The following PFAS variants were observed in gnomAD, a reference collection of about 807,000 sequenced individuals.
PFAS encodes the protein FGAM synthase.
In PFAS, 97 loss-of-function variants were observed where a neutral mutation model predicts 140.6. That is an observed-to-expected ratio of 0.69 (90% CI 0.59 to 0.82). The LOEUF (loss-of-function observed/expected upper bound fraction) is 0.82, where lower values mean the gene tolerates loss of function less well. Among genes scored for constraint, PFAS ranks in the 40% least tolerant of loss-of-function variants. The probability of loss-of-function intolerance (pLI) is 0.00; values close to 1 mark genes in which losing one functional copy is unlikely to be tolerated. For synonymous variants in PFAS, 679 were observed against 718.8 expected, an observed-to-expected ratio of 0.94 and a Z score of 0.88; for missense variants, 1,656 against 1,780.2, an observed-to-expected ratio of 0.93 and a Z score of 1.26.
chr17:8,251,013 C>T (rs1346867643), intron 1 of PFAS, among the ~76,000 whole-genome samples: 2 of 150,876 alleles, frequency 1.3e-5, no homozygotes, highest in African/African-American at 2.4e-5. Flanking sequence ...GTCTGCCTGG[C>T]GCAGTCGCTC....
Position 8,255,146 on chromosome 17 carries a change from G to C in PFAS, c.384+14G>C. ...TACCGGCTCTCGGTGAGGTGATGGG[G>C]AATCAGGAGGAGGAGATGAGCCAGA... On this transcript the variant is annotated intron_variant, in intron 4 of 27. Coordinates refer to ENST00000314666, the MANE Select transcript of PFAS (RefSeq NM_012393.3). 6.4e-7 allele frequency: 1 copy of C among 1,556,298 alleles called. No homozygotes were observed. The highest frequency in any genetic ancestry group is 8.9e-7 in the Non-Finnish European group (1 of 1,129,498).
rs1377494780 is a variant in PFAS at position 8,266,000 on chromosome 17, C to G, written c.2684C>G (p.Thr895Ser). ...AACTTGGTGCGGGCCTTCAGCATCA[C>G]TCAGGGGCTGCTGAAAGGTGAGTGA... ...PENLVRAFSI[T>S]QGLLKDRLLC... The change falls in exon 21 of 28, where the codon ACT (threonine) becomes AGT (serine). Residue 895 changes from threonine to serine, a missense_variant. By Grantham distance (58) the Thr-to-Ser change is moderately conservative. This residue lies in a region of PFAS where 883 missense variants were observed against 1,023.0 expected (regional missense o/e 0.86). Coordinates refer to ENST00000314666, the MANE Select transcript of PFAS (RefSeq NM_012393.3). The G allele has an allele frequency of 6.2e-7, 1 of 1,609,582 alleles. No individual in the cohort carries two copies. Among genetic ancestry groups the G allele is most frequent in the Non-Finnish European group, 8.5e-7 (1 of 1,177,764 alleles).
chr17:8,264,584 C>A lies in PFAS; in HGVS notation c.2032C>A (p.Arg678Ser), dbSNP rs759656030. Reference protein sequence around the residue: ...VLRLPAVASKRYLTNKVDRSV... With the variant: ...VLRLPAVASKSYLTNKVDRSV... ...GAGGCTGCCCGCCGTGGCCAGCAAG[C>A]GCTACCTCACCAATAAGGTCCTCCC... The change falls in exon 17 of 28, where the codon CGC becomes AGC. Residue 678 changes from arginine to serine, a missense_variant. Arg to Ser is a moderately radical substitution (Grantham distance 110, BLOSUM62 -1). Transcript: ENST00000314666. 1 of 1,612,678 alleles carries A rather than the reference C, an allele frequency of 6.2e-7. No individual in the cohort carries two copies. Among genetic ancestry groups the A allele is most frequent in the Non-Finnish European group, 8.5e-7 (1 of 1,179,432 alleles).
chr17:8,249,268 G>A (rs993549929), upstream of PFAS: 8 of 152,162 alleles, frequency 5.3e-5, no homozygotes, highest in Non-Finnish European at 1.2e-4. Flanking sequence ...CTCTGCCCGC[G>A]GCGCACGCGG....
At chr17:8,253,369 T>A (rs1457400054) in intron 1 of PFAS, among the ~76,000 whole-genome samples, 1 of 152,166 alleles carries the variant, frequency 6.6e-6, no homozygotes, top group Non-Finnish European at 1.5e-5. Flanking sequence ...CCTACCACAT[T>A]AATAAAGACC....
chr17:8,264,632 C>T, intron 17 of PFAS, 31 bp downstream of exon 17: 2 of 1,567,202 alleles, frequency 1.3e-6, no homozygotes, highest in South Asian at 2.3e-5. Context: ...CTGCCCCCTG[C>T]CTCCTTCCTC....
At chr17:8,264,825 T>TG in intron 17 of PFAS, 70 bp from the exon 18 acceptor site, 1 of 1,168,124 alleles carries the variant, frequency 8.6e-7, no homozygotes, top group Non-Finnish European at 1.2e-6. Flanking sequence ...CTGAGTGCCT[T>TG]GGGGGCATGT....
At chr17:8,257,551 A>G (rs527273850) in intron 9 of PFAS, among the ~76,000 whole-genome samples, 5 of 151,814 alleles carry the variant, frequency 3.3e-5, no homozygotes, top group Admixed American at 2.0e-4. Flanking sequence ...GCGAGACTCC[A>G]TCTCAAAAAA....
chr17:8,264,321 G>C lies in PFAS; in HGVS notation c.1901G>C (p.Gly634Ala), dbSNP rs1306254457. ...PVDLELEWVL[G>A]KMPRKEFFLQ... Reference sequence around the variant, plus strand: ...GACCTGGAGCTCGAATGGGTGCTGGGCAAGATGCCTCGGAAGGTATGTGGG... The same window carrying C: ...GACCTGGAGCTCGAATGGGTGCTGGCCAAGATGCCTCGGAAGGTATGTGGG... The change falls in exon 16 of 28, where the codon GGC (glycine) becomes GCC (alanine). Residue 634 changes from glycine (G) to alanine (A), a missense_variant. Physicochemically the swap from Gly to Ala is moderately conservative, Grantham distance 60. Transcript: ENST00000314666. 5 of 1,614,022 alleles carry C rather than the reference G, an allele frequency of 3.1e-6. No individual in the cohort carries two copies. The South Asian group carries it at 4.4e-5, about 14-fold the overall frequency.
Position 8,268,414 on chromosome 17 carries a change from G to A in PFAS, c.3383-119G>A, listed in dbSNP as rs576103411. ...GAAAGAAGGAAAGGAAGGAAGGAGG[G>A]AGGGAGGGAAAAGGAAGAAAGAAAA... On this transcript the variant is annotated intron_variant, in intron 26 of 27. Coordinates refer to ENST00000314666, the MANE Select transcript of PFAS (RefSeq NM_012393.3). 9 of 667,642 alleles carry A rather than the reference G, an allele frequency of 1.3e-5. No individual in the cohort carries two copies. The East Asian group carries it at 1.9e-4, about 14-fold the overall frequency. The allele number at this position is 667,642 out of a possible 1,614,324, so 41.4% of individuals were successfully genotyped here.
At chr17:8,268,385 A>AAG in intron 26 of PFAS, 148 bp from the exon 27 acceptor site, 2 of 628,040 alleles carry the variant, frequency 3.2e-6, no homozygotes, top group African/African-American at 3.7e-5. Flanking sequence ...AAAAAAAAAA[A>AAG]AAAGAAAGAA....
At chr17:8,248,079 T>TG, upstream of PFAS, 1 of 145,662 alleles carries the variant, frequency 6.9e-6, no homozygotes, top group Non-Finnish European at 1.4e-5. Context: ...GGTGCTCGCT[T>TG]GGGGGTGGGG....
In PFAS at chr17:8,255,597, T is replaced by C. The variant is rs145657397; in HGVS notation, c.480T>C (p.Ser160=). 4 of 1,576,008 alleles carry C rather than the reference T, an allele frequency of 2.5e-6. No individual in the cohort carries two copies. Among genetic ancestry groups the C allele is most frequent in the Middle Eastern group, 1.7e-4 (1 of 5,858 alleles). ...TEQHFPHPIQ[S]FSPESMPEPL... The stretch of plus-strand genomic sequence containing the variant: ...AGCACTTCCCCCATCCCATCCAGAG[T>C]TTCTCCCCTGAGAGCATGCCGGAAC... The change falls in exon 5 of 28, where the codon AGT becomes AGC. Residue 160 remains serine, a synonymous_variant. Coordinates refer to ENST00000314666, the MANE Select transcript of PFAS (RefSeq NM_012393.3).
chr17:8,265,001 T>G lies in PFAS; in HGVS notation c.2156T>G (p.Ile719Arg), dbSNP rs777251573. 20 of 1,613,390 alleles carry G rather than the reference T, an allele frequency of 1.2e-5. No individual in the cohort carries two copies. Among genetic ancestry groups the G allele is most frequent in the Admixed American group, 1.7e-5 (1 of 60,006 alleles). ...AVVALSHEEL[I>R]GAATALGEQP... ...GTGGCACTGAGCCATGAGGAGCTCA[T>G]AGGGGCTGCCACAGCCTTGGGAGAA... The change falls in exon 18 of 28, where the codon ATA (isoleucine) becomes AGA (arginine). Residue 719 changes from isoleucine to arginine, a missense_variant. This residue lies in a region of PFAS where 883 missense variants were observed against 1,023.0 expected (regional missense o/e 0.86). Coordinates refer to ENST00000314666, the MANE Select transcript of PFAS (RefSeq NM_012393.3).
At chr17:8,262,618 A>C (rs1989635867) in intron 11 of PFAS, 1 of 311,284 alleles carries the variant, frequency 3.2e-6, no homozygotes, top group Non-Finnish European at 6.2e-6. Context: ...AGATGGTGAA[A>C]CCCTGTCTCT....
At position 8,267,442 on chromosome 17, in the gene PFAS, C is replaced by T. The variant is rs376032621; in HGVS notation, c.3246C>T (p.Ala1082=). 10 of 1,613,990 alleles carry T rather than the reference C, an allele frequency of 6.2e-6. No homozygotes were observed. The highest frequency in any genetic ancestry group is 7.6e-6 in the Non-Finnish European group (9 of 1,179,970). ...GSNGDREMAD[A]FHLAGFEVWD... ...ATGGAGACCGGGAGATGGCCGATGC[C>T]TTCCACTTAGCTGGGTTTGAGGTGA... is the stretch of plus-strand genomic sequence containing the variant. Residue 1082 remains alanine, a synonymous_variant, in exon 25 of 28, where the codon GCC becomes GCT. Transcript: ENST00000314666. The surrounding 1 kb of genome is among the most constrained non-coding windows in gnomAD (Gnocchi z 4.9).
intron 11 of PFAS, among the ~76,000 whole-genome samples, chr17:8,258,831 A>T (rs568170241): frequency 5.3e-5 from 8 of 152,054 alleles, no homozygotes; most frequent in Non-Finnish European, 7.4e-5. Flanking sequence ...CTAAAAAAAT[A>T]AAAAAATTAG....
Position 8,258,088 on chromosome 17 carries a change from G to A in PFAS, c.1225G>A (p.Gly409Ser). The change falls in exon 11 of 28, where the codon GGC becomes AGC. Residue 409 changes from glycine (G) to serine (S), a missense_variant. Around this residue, in one of 2 missense-constraint regions of PFAS, gnomAD observed 773 missense variants for 757.3 expected, o/e 1.02. Transcript: ENST00000314666. ...PVLAGFARSL[G>S]LQLPDGQRRE... The stretch of plus-strand genomic sequence containing the variant: ...CACTCCAGGCTTCGCCCGCTCCTTG[G>A]GCCTCCAGCTCCCAGACGGCCAGCG... The A allele has an allele frequency of 1.2e-6, 2 of 1,614,090 alleles. No homozygotes were observed. The highest frequency in any genetic ancestry group is 1.7e-6 in the Non-Finnish European group (2 of 1,180,018).
At position 8,256,915 on chromosome 17, in the gene PFAS, G is replaced by A. The variant is rs115314908; in HGVS notation, c.1027G>A (p.Val343Met). The A allele has an allele frequency of 1.3e-4, 209 of 1,614,186 alleles. 1 individual carries two copies. The African/African-American group carries it at 2.3e-3, about 17-fold the overall frequency. ...DVQCTGRGAH[V>M]VAGTAGYCFG... ...CCAGTGCACAGGCCGCGGGGCCCAC[G>A]TGGTGGCTGGCACTGCCGGCTATTG... Residue 343 changes from valine (V) to methionine (M), a missense_variant, in exon 9 of 28, where the codon GTG becomes ATG. Val to Met is a conservative substitution (Grantham distance 21). Around this residue, in one of 2 missense-constraint regions of PFAS, gnomAD observed 773 missense variants for 757.3 expected, o/e 1.02. Coordinates refer to ENST00000314666, the MANE Select transcript of PFAS (RefSeq NM_012393.3).
Sources: allele counts gnomAD v4.1 joint callset (sites outside exome capture counted in the v4.1 genomes callset), GRCh38; gene constraint gnomAD v4.1.1; regional missense constraint gnomAD v4.1.1; non-coding constraint Gnocchi (gnomAD v3.1); transcripts MANE v1.5; gene names NCBI Gene and HGNC (gene_info 2026-07-23, HGNC 2026-07-21).